XPO4: variants seen among roughly 807,000 people sequenced by gnomAD.
XPO4 encodes the protein exportin-4.
In XPO4, 39 loss-of-function variants were observed where a neutral mutation model predicts 143.0. The observed-to-expected ratio is 0.27, with a 90% CI of 0.21 to 0.36. The LOEUF (loss-of-function observed/expected upper bound fraction) is 0.36. XPO4 is among the 10% of genes least tolerant of loss of function. The pLI is 1.00. For synonymous variants in XPO4, 439 were observed against 474.0 expected (o/e 0.93, Z 0.96); for missense variants, 907 against 1,348.0 (o/e 0.67, Z 5.12).
In XPO4 at chr13:20,787,548, G is replaced by A. The variant is rs1283786118; in HGVS notation, c.3098C>T (p.Ala1033Val). Residue 1033 changes from alanine to valine, a missense_variant, in exon 21 of 23, where the codon GCT becomes GTT. Coordinates refer to ENST00000255305, the MANE Select transcript of XPO4 (RefSeq NM_022459.5). ...TTCTTGTGCTTTTGCACACTGTTCA[G>A]CTAACGGTGTCAAGGCCTCCAGGCA... Reference protein sequence around the residue: ...QLCLEALTPLAEQCAKAQETD... With the variant: ...QLCLEALTPLVEQCAKAQETD... 1 of 1,614,258 alleles carries A rather than the reference G, an allele frequency of 6.2e-7. No homozygotes were observed. Among genetic ancestry groups the A allele is most frequent in the South Asian group, 1.1e-5 (1 of 91,086 alleles).
rs1204436426 is a variant in XPO4 at position 20,821,818 on chromosome 13, G to A, written c.1059C>T (p.Thr353=). Residue 353 remains threonine, a synonymous_variant, in exon 9 of 23, where the codon ACC becomes ACT. Coordinates refer to ENST00000255305, the MANE Select transcript of XPO4 (RefSeq NM_022459.5). The part of the protein sequence containing the change: ...GISSIISNLI[T]VFPRNVLTAI... The stretch of plus-strand genomic sequence containing the variant: ...CAGTTAAAACATTTCGTGGGAACAC[G>A]GTTATCAGGTTGCTGATAATGCTGG... 5 of 1,613,894 alleles carry A rather than the reference G, an allele frequency of 3.1e-6. No individual in the cohort carries two copies. Among genetic ancestry groups the A allele is most frequent in the East Asian group, 2.2e-5 (1 of 44,854 alleles).
At chr13:20,810,014 T>G in intron 9 of XPO4, 47 bp from the exon 10 acceptor site, 2 of 1,503,706 alleles carry the variant, frequency 1.3e-6, no homozygotes, top group Non-Finnish European at 1.8e-6. Flanking sequence ...AGAACGACAA[T>G]TGGCATAACA....
chr13:20,801,010 G>A lies in XPO4; in HGVS notation c.1818-20C>T. ...AACAGCCTGTAGGTATAAAACAGAA[G>A]TCATTTATTCTTTTATTTATTTAGT... On this transcript the variant is annotated intron_variant, in intron 13 of 22. Transcript: ENST00000255305. 1 of 1,603,110 alleles carries A rather than the reference G, an allele frequency of 6.2e-7. No individual in the cohort carries two copies. The highest frequency in any genetic ancestry group is 8.5e-7 in the Non-Finnish European group (1 of 1,177,706).
intron 14 of XPO4, 88 bp from the exon 15 acceptor site, chr13:20,800,413 ATCTAATCTGAAGTAGTGCTTACT>A: frequency 1.5e-6 from 2 of 1,303,542 alleles, no homozygotes; most frequent in Non-Finnish European, 2.1e-6. Context: ...TGAAATTAGT[ATCTAATCTGAAGTAGTGCTTACT>A]TCACATCAAC....
rs575827802 is a variant in XPO4 at position 20,803,715 on chromosome 13, C to G, written c.1818-2725G>C. 1.3e-5 allele frequency among the ~76,000 whole-genome samples: 2 copies of G among 152,174 alleles called. No individual in the cohort carries two copies. The highest frequency in any genetic ancestry group is 1.9e-4 in the East Asian group (1 of 5,192). ...CCCTGCCTCTCCACCCTCATCCCCC[C>G]ACCAAAGCTATCGCCCTGCCCTCCT... On this transcript the variant is annotated intron_variant, in intron 13 of 22. Coordinates refer to ENST00000255305, the MANE Select transcript of XPO4 (RefSeq NM_022459.5). This position sits in a 1 kb window ranked among gnomAD's most constrained non-coding sequence, Gnocchi z 4.1.
intron 9 of XPO4, among the ~76,000 whole-genome samples, chr13:20,818,704 G>C (rs2059681843): frequency 6.6e-6 from 1 of 152,160 alleles, no homozygotes; most frequent in African/African-American, 2.4e-5. Flanking sequence ...TATGTGGTAA[G>C]AGTGCACACA....
At chr13:20,902,262 A>C (rs1392017339) in intron 1 of XPO4, 1 of 985,336 alleles carries the variant, frequency 1.0e-6, no homozygotes, top group East Asian at 1.1e-4. Context: ...GTGCCATCCA[A>C]TCCCTCCCGA....
At chr13:20,819,743 C>T (rs2059695631) in intron 9 of XPO4, among the ~76,000 whole-genome samples, 1 of 152,136 alleles carries the variant, frequency 6.6e-6, no homozygotes, top group Admixed American at 6.5e-5. Flanking sequence ...TTACTGGGTG[C>T]CCAAGAAAAC....
rs186347141 is a variant in XPO4, at chr13:20,857,617, C to G, written c.318-1852G>C. 6.5e-3 allele frequency among the ~76,000 whole-genome samples: 994 copies of G among 152,118 alleles called. 6 individuals are homozygous for G. The highest frequency in any genetic ancestry group is 0.011 in the Non-Finnish European group (721 of 67,982). ...TGGCAGGCACCTGTAGTCCCAACTA[C>G]TCGGGAGGCTGAGGCAGGAGAATGG... On this transcript the variant is annotated intron_variant, in intron 3 of 22. Transcript: ENST00000255305.
intron 4 of XPO4, among the ~76,000 whole-genome samples, chr13:20,847,118 C>G (rs2060036424): frequency 6.6e-6 from 1 of 152,118 alleles, no homozygotes; most frequent in African/African-American, 2.4e-5. Flanking sequence ...AAATATTAAT[C>G]ATACTACACT....
At chr13:20,892,742 G>C (rs1047369419) in intron 1 of XPO4, among the ~76,000 whole-genome samples, 1 of 152,122 alleles carries the variant, frequency 6.6e-6, no homozygotes, top group Non-Finnish European at 1.5e-5. Context: ...AACATAGCCA[G>C]GTGTGGTGGC....
At chr13:20,889,758 G>A (rs570174781) in intron 1 of XPO4, among the ~76,000 whole-genome samples, 1 of 152,216 alleles carries the variant, frequency 6.6e-6, no homozygotes, top group East Asian at 1.9e-4. Context: ...TTGCTGAAAC[G>A]ACATGTGATA....
At chr13:20,883,599 T>C (rs1325136309) in intron 1 of XPO4, among the ~76,000 whole-genome samples, 2 of 152,184 alleles carry the variant, frequency 1.3e-5, no homozygotes, top group Non-Finnish European at 2.9e-5. Flanking sequence ...AAATGATCTT[T>C]CAGGGATTAG....
chr13:20,792,785 T>C (rs2059304585), intron 18 of XPO4, among the ~76,000 whole-genome samples: 1 of 150,362 alleles, frequency 6.7e-6, no homozygotes, highest in Non-Finnish European at 1.5e-5. Flanking sequence ...TATTTATTAA[T>C]TATTATTAAT....
chr13:20,852,068 T>G, intron 4 of XPO4: 1 of 985,390 alleles, frequency 1.0e-6, no homozygotes, highest in Non-Finnish European at 1.2e-6. Context: ...GCCGTCCCAG[T>G]GCCAACAAGC....
At chr13:20,792,676 G>A (rs1202965310) in intron 18 of XPO4, among the ~76,000 whole-genome samples, 15 of 144,358 alleles carry the variant, frequency 1.0e-4, no homozygotes, top group Admixed American at 9.1e-4. Flanking sequence ...AGCCAAGGTC[G>A]CGCCATTGCA....
intron 1 of XPO4, among the ~76,000 whole-genome samples, chr13:20,873,700 G>A (rs796366681): frequency 1.8e-4 from 28 of 152,118 alleles, no homozygotes; most frequent in African/African-American, 6.5e-4. Flanking sequence ...GCACAATCTC[G>A]GTTCACTGCA....
Position 20,853,334 on chromosome 13 carries a change from C to T in XPO4, c.456+2293G>A, listed in dbSNP as rs895547146. ...TGCAACAGAGCAAGTGAGACCCTGT[C>T]TCAAAAAAAAAAAAAAAATAGCTTC... On this transcript the variant is annotated intron_variant, in intron 4 of 22. Transcript: ENST00000255305. Among the ~76,000 whole-genome samples the T allele has an allele frequency of 2.5e-3, 21 of 8,272 alleles. 1 individual carries two copies. Among genetic ancestry groups the T allele is most frequent in the African/African-American group, 8.5e-3 (18 of 2,128 alleles). 5.4% of individuals were successfully genotyped at this position (8,272 alleles called of 152,430 possible). A position where few individuals can be genotyped will look rare whatever the true frequency, so the allele number is the denominator to read the frequency against.
At chr13:20,807,415 A>G (rs556073651) in intron 13 of XPO4, 42 bp downstream of exon 13, 1 of 1,549,394 alleles carries the variant, frequency 6.5e-7, no homozygotes. Context: ...TTTATAAAAC[A>G]GTATAAAAAT....
Sources: allele counts gnomAD v4.1 joint callset (sites outside exome capture counted in the v4.1 genomes callset), GRCh38; gene constraint gnomAD v4.1.1; non-coding constraint Gnocchi (gnomAD v3.1); transcripts MANE v1.5; gene names NCBI Gene and HGNC (gene_info 2026-07-23, HGNC 2026-07-21).